ZMIZ2: variants seen among roughly 807,000 people sequenced by gnomAD.
ZMIZ2 encodes the protein zinc finger MIZ domain-containing protein 2.
In ZMIZ2, 26 loss-of-function variants were observed where a neutral mutation model predicts 93.9. The ratio of observed to expected loss-of-function variants is 0.28; its 90% CI spans 0.20 to 0.38. The LOEUF is 0.38. Ranked by LOEUF, ZMIZ2 falls within the 10% of genes least tolerant of loss-of-function variation. The pLI is 1.00. For missense variants in ZMIZ2, 1,023 were observed against 1,235.0 expected, an observed-to-expected ratio of 0.83 and a Z score of 2.57; for synonymous variants, 485 against 516.4, an observed-to-expected ratio of 0.94 and a Z score of 0.82.
chr7:44,765,741 C>T lies in ZMIZ2; in HGVS notation c.2242+162C>T. 1 of 1,167,180 alleles carries T rather than the reference C, an allele frequency of 8.6e-7. No homozygotes were observed. The highest frequency in any genetic ancestry group is 1.2e-6 in the Non-Finnish European group (1 of 850,050). The allele number at this position is 1,167,180 out of a possible 1,614,324, so 72.3% of individuals were successfully genotyped here. The stretch of plus-strand genomic sequence containing the variant: ...TGCCGCGGGGCACCTCCAGCCCCTC[C>T]CATCTCAGGGACGTGGCGGTGAAGG... On this transcript the variant is annotated intron_variant, in intron 16 of 18. Transcript: ENST00000309315. The surrounding 1 kb of genome is among the most constrained non-coding windows in gnomAD (Gnocchi z 4.1).
chr7:44,764,377 T>C, intron 13 of ZMIZ2, 42 bp from the exon 14 acceptor site: 3 of 1,602,632 alleles, frequency 1.9e-6, no homozygotes, highest in Non-Finnish European at 1.7e-6. Context: ...TTCCCTGTGC[T>C]ACCCACAATG....
intron 1 of ZMIZ2, 154 bp from the exon 2 acceptor site, chr7:44,756,034 G>A: frequency 1.6e-6 from 1 of 639,646 alleles, no homozygotes; most frequent in South Asian, 1.8e-5. Context: ...GGGTGGGTCA[G>A]TACTAGGCCC....
chr7:44,752,672 A>G (rs1362662936), intron 1 of ZMIZ2, among the ~76,000 whole-genome samples: 3 of 152,180 alleles, frequency 2.0e-5, no homozygotes, highest in African/African-American at 7.2e-5. Context: ...AGATTCATCC[A>G]GGTTGTTGCA....
chr7:44,756,656 G>A (rs950721473), intron 3 of ZMIZ2, 117 bp downstream of exon 3: 2 of 1,146,620 alleles, frequency 1.7e-6, no homozygotes, highest in Non-Finnish European at 2.5e-6. Context: ...GGACAGAGAG[G>A]CTGAGGCATG....
intron 14 of ZMIZ2, among the ~76,000 whole-genome samples, 197 bp from the exon 15 acceptor site, chr7:44,764,744 C>A (rs1285164638): frequency 6.6e-6 from 1 of 152,242 alleles, no homozygotes; most frequent in African/African-American, 2.4e-5. Context: ...TCACCTCACA[C>A]AAGGGTCAGT....
At chr7:44,756,387 C>G in intron 2 of ZMIZ2, 38 bp from the exon 3 acceptor site, 1 of 1,613,862 alleles carries the variant, frequency 6.2e-7, no homozygotes, top group Non-Finnish European at 8.5e-7. Flanking sequence ...ACACCAGTGG[C>G]TTCCTGACCC....
At position 44,762,865 on chromosome 7, in the gene ZMIZ2, TC is replaced by T. The variant is rs750546628; in HGVS notation, c.1597-13del. ...GGCCCAAGTCCCCCTGATGACATCCTCCCGTTGTATTGCAGTCCCACCTCTT... is the reference window on the plus strand; with the variant it reads ...GGCCCAAGTCCCCCTGATGACATCCTCCGTTGTATTGCAGTCCCACCTCTT... On this transcript the variant is annotated splice_polypyrimidine_tract_variant and intron_variant, in intron 11 of 18. Transcript: ENST00000309315. The T allele has an allele frequency of 1.1e-5, 18 of 1,586,428 alleles. No homozygotes were observed. The highest frequency in any genetic ancestry group is 1.5e-5 in the Non-Finnish European group (17 of 1,162,604).
intron 3 of ZMIZ2, 81 bp from the exon 4 acceptor site, chr7:44,756,866 G>A (rs1438759171): frequency 3.8e-6 from 6 of 1,562,050 alleles, no homozygotes; most frequent in Non-Finnish European, 5.2e-6. Flanking sequence ...TGCCAGGCCT[G>A]TTGGTTTCTA....
rs1327510324 is a variant in ZMIZ2 at position 44,766,771 on chromosome 7, G to A, written c.2655+108G>A. On this transcript the variant is annotated intron_variant, in intron 18 of 18. Transcript: ENST00000309315. The surrounding 1 kb of genome is among the most constrained non-coding windows in gnomAD (Gnocchi z 4.4). ...GAAGACAGTGACCCCTCAGAGAGCC[G>A]GTCAGATAAGGTCAACTAAATGCAG... The A allele has an allele frequency of 6.0e-6, 9 of 1,495,458 alleles. No homozygotes were observed. Among genetic ancestry groups the A allele is most frequent in the Admixed American group, 2.2e-5 (1 of 44,890 alleles). 92.6% of individuals were successfully genotyped at this position (1,495,458 alleles called of 1,614,324 possible). A position where few individuals can be genotyped will look rare whatever the true frequency, so the allele number is the denominator to read the frequency against.
At position 44,763,080 on chromosome 7, in the gene ZMIZ2, A is replaced by G; in HGVS notation, c.1702+94A>G. 6.9e-7 allele frequency: 1 copy of G among 1,454,066 alleles called. No homozygotes were observed. The allele number at this position is 1,454,066 out of a possible 1,614,324, so 90.1% of individuals were successfully genotyped here. The stretch of plus-strand genomic sequence containing the variant: ...CTCCTTGTGGGCACCTCCTCGTGTC[A>G]CACCAGGCCTTCTCCTTGGACAGGT... On this transcript the variant is annotated intron_variant, in intron 12 of 18. Coordinates refer to ENST00000309315, the MANE Select transcript of ZMIZ2 (RefSeq NM_031449.4). This position sits in a 1 kb window ranked among gnomAD's most constrained non-coding sequence, Gnocchi z 5.6.
In ZMIZ2 at chr7:44,761,742, A is replaced by G; in HGVS notation, c.1433A>G (p.Gln478Arg). 1.2e-6 allele frequency: 2 copies of G among 1,614,164 alleles called. No individual in the cohort carries two copies. The highest frequency in any genetic ancestry group is 1.7e-6 in the Non-Finnish European group (2 of 1,180,030). Residue 478 changes from glutamine (Q) to arginine (R), a missense_variant, in exon 11 of 19, where the codon CAG (glutamine) becomes CGG (arginine). Physicochemically the swap from Gln to Arg is conservative, Grantham distance 43 (BLOSUM62 1). Around this residue, in one of 3 missense-constraint regions of ZMIZ2, gnomAD observed 656 missense variants for 777.1 expected, o/e 0.84. Transcript: ENST00000309315. This position sits in a 1 kb window ranked among gnomAD's most constrained non-coding sequence, Gnocchi z 5.8. Reference protein sequence around the residue: ...QFKCYHHEDRQMNTNWPASVQ... With the variant: ...QFKCYHHEDRRMNTNWPASVQ... ...AAGTGCTACCACCACGAGGACCGGC[A>G]GATGAACACCAACTGGCCAGCCTCG...
Position 44,759,295 on chromosome 7 carries a change from G to A in ZMIZ2, c.828G>A (p.Gln276=). Reference sequence around the variant, plus strand: ...CTCTTTTTCAGGTGTATCCAGGGCAGCAGTATCTGCAAGGAGGCCAGTATG... The same window carrying A: ...CTCTTTTTCAGGTGTATCCAGGGCAACAGTATCTGCAAGGAGGCCAGTATG... ...KRTYSEVYPG[Q]QYLQGGQYAP... The change falls in exon 7 of 19, where the codon CAG becomes CAA. Residue 276 remains glutamine, a synonymous_variant. Coordinates refer to ENST00000309315, the MANE Select transcript of ZMIZ2 (RefSeq NM_031449.4). 2 of 1,558,710 alleles carry A rather than the reference G, an allele frequency of 1.3e-6. No individual in the cohort carries two copies. Among genetic ancestry groups the A allele is most frequent in the South Asian group, 2.4e-5 (2 of 84,710 alleles).
chr7:44,760,221 T>C lies in ZMIZ2; in HGVS notation c.1064T>C (p.Leu355Pro), dbSNP rs769368162. The C allele has an allele frequency of 1.4e-5, 23 of 1,612,180 alleles. No homozygotes were observed. In the South Asian group the frequency reaches 2.1e-4, roughly 15 times the overall value. Residue 355 changes from leucine to proline, a missense_variant, in exon 8 of 19, where the codon CTG (leucine) becomes CCG (proline). This residue lies in a region of ZMIZ2 where 656 missense variants were observed against 777.1 expected (regional missense o/e 0.84). Coordinates refer to ENST00000309315, the MANE Select transcript of ZMIZ2 (RefSeq NM_031449.4). ...GGSVSYSQPG[L>P]SGPTRSIPGY... Reference sequence around the variant, plus strand: ...AGCGTCAGCTACAGCCAACCTGGCCTGAGTGGGGTAGGGGGCCTGGCCGGG... The same window carrying C: ...AGCGTCAGCTACAGCCAACCTGGCCCGAGTGGGGTAGGGGGCCTGGCCGGG...
chr7:44,758,913 CAAAAA>C (rs898517700), intron 6 of ZMIZ2, among the ~76,000 whole-genome samples: 1 of 77,404 alleles, frequency 1.3e-5, no homozygotes. Context: ...GACTCCATCT[CAAAAA>C]AAAAAAAAAA....
At chr7:44,759,764 T>G (rs1220274422) in intron 7 of ZMIZ2, 1 of 455,730 alleles carries the variant, frequency 2.2e-6, no homozygotes, top group Non-Finnish European at 3.9e-6. Context: ...CCCAAAACAT[T>G]TGAATGTTCT....
rs1313021342 is a variant in ZMIZ2 at position 44,769,459 on chromosome 7, TC to T, written c.*1838del. Reference sequence around the variant, plus strand: ...TGACAAAGCCTCTGTTTCCAGCTCTTCCGCCCTCTCTGGATGAGGGAACAGA... The same window carrying T: ...TGACAAAGCCTCTGTTTCCAGCTCTTCGCCCTCTCTGGATGAGGGAACAGA... On this transcript the variant is annotated 3_prime_UTR_variant, in exon 19 of 19. Transcript: ENST00000309315. 6.5e-6 allele frequency: 1 copy of T among 152,746 alleles called. No individual in the cohort carries two copies. Among genetic ancestry groups the T allele is most frequent in the Non-Finnish European group, 1.5e-5 (1 of 68,138 alleles). The allele number at this position is 152,746 out of a possible 1,614,324, so 9.5% of individuals were successfully genotyped here. A position where few individuals can be genotyped will look rare whatever the true frequency, so the allele number is the denominator to read the frequency against.
At position 44,765,188 on chromosome 7, in the gene ZMIZ2, C is replaced by CGTGGATGTGGAAG; in HGVS notation, c.1998-145_1998-144insGGATGTGGAAGGT. On this transcript the variant is annotated intron_variant, in intron 15 of 18. Transcript: ENST00000309315. The surrounding 1 kb of genome is among the most constrained non-coding windows in gnomAD (Gnocchi z 4.1). ...ACCTGAGTGTTGGTGCTGGGCCCAG[C>CGTGGATGTGGAAG]GTCCTGCTCGATGTGGAAGGTGCTG... 4 of 1,476,462 alleles carry CGTGGATGTGGAAG rather than the reference C, an allele frequency of 2.7e-6. No homozygotes were observed. The highest frequency in any genetic ancestry group is 2.8e-6 in the Non-Finnish European group (3 of 1,090,210). The allele number at this position is 1,476,462 out of a possible 1,614,324, so 91.5% of individuals were successfully genotyped here.
At chr7:44,751,584 G>C (rs1790149329) in intron 1 of ZMIZ2, among the ~76,000 whole-genome samples, 1 of 152,236 alleles carries the variant, frequency 6.6e-6, no homozygotes, top group African/African-American at 2.4e-5. Context: ...CAGCTTTCTA[G>C]TGGGGAAAGA....
chr7:44,761,804 G>C lies in ZMIZ2; in HGVS notation c.1495G>C (p.Glu499Gln). The C allele has an allele frequency of 1.2e-6, 2 of 1,613,836 alleles. No homozygotes were observed. The highest frequency in any genetic ancestry group is 1.1e-5 in the South Asian group (1 of 91,084). Reference sequence around the variant, plus strand: ...CGTCAATGCCACGCCGCTCACCATCGAGCGTGGCGACAACAAGACCTCGCA... The same window carrying C: ...CGTCAATGCCACGCCGCTCACCATCCAGCGTGGCGACAACAAGACCTCGCA... Reference protein sequence around the residue: ...VSVNATPLTIERGDNKTSHKP... With the variant: ...VSVNATPLTIQRGDNKTSHKP... Residue 499 changes from glutamate (E) to glutamine (Q), a missense_variant, in exon 11 of 19, where the codon GAG (glutamate) becomes CAG (glutamine). By Grantham distance (29) the Glu-to-Gln change is conservative (BLOSUM62 2). This residue lies in a region of ZMIZ2 where 656 missense variants were observed against 777.1 expected (regional missense o/e 0.84). Coordinates refer to ENST00000309315, the MANE Select transcript of ZMIZ2 (RefSeq NM_031449.4). The surrounding 1 kb of genome is among the most constrained non-coding windows in gnomAD (Gnocchi z 5.8).
Sources: allele counts gnomAD v4.1 joint callset (sites outside exome capture counted in the v4.1 genomes callset), GRCh38; gene constraint gnomAD v4.1.1; regional missense constraint gnomAD v4.1.1; non-coding constraint Gnocchi (gnomAD v3.1); transcripts MANE v1.5; gene names NCBI Gene and HGNC (gene_info 2026-07-23, HGNC 2026-07-21).